MYO3A: variants seen among roughly 807,000 people sequenced by gnomAD.
MYO3A encodes myosin-IIIa.
A neutral mutation model predicts 192.7 loss-of-function variants in MYO3A; 180 were observed. The ratio of observed to expected loss-of-function variants is 0.93; its 90% CI spans 0.83 to 1.06. The LOEUF (loss-of-function observed/expected upper bound fraction) is 1.06. MYO3A is among the 50% of genes least tolerant of loss of function. The probability of loss-of-function intolerance (pLI) is 0.00; values close to 1 mark genes in which losing one functional copy is unlikely to be tolerated. For synonymous variants in MYO3A, 628 were observed against 645.3 expected, an observed-to-expected ratio of 0.97 and a Z score of 0.41; for missense variants, 1,896 against 1,905.0, an observed-to-expected ratio of 1.00 and a Z score of 0.09.
At chr10:26,193,396 C>CCTTCCTTTGTGCCTGA in intron 32 of MYO3A, 85 bp downstream of exon 32, 1 of 1,141,058 alleles carries the variant, frequency 8.8e-7, no homozygotes, top group Non-Finnish European at 1.3e-6. Context: ...TTAGTTCAGG[C>CCTTCCTTTGTGCCTGA]ACAAAGGAAG....
chr10:26,044,327 C>G (rs1482492792), intron 10 of MYO3A, among the ~76,000 whole-genome samples: 2 of 152,216 alleles, frequency 1.3e-5, no homozygotes, highest in African/African-American at 4.8e-5. Flanking sequence ...TGGCTCTGAG[C>G]CCAGTTCAGC....
intron 10 of MYO3A, among the ~76,000 whole-genome samples, chr10:26,065,382 G>A (rs547987584): frequency 9.2e-5 from 14 of 151,980 alleles, no homozygotes; most frequent in African/African-American, 3.1e-4. Context: ...TCAGAAGTTC[G>A]AGACCAGCCT....
At chr10:26,111,905 T>A (rs1446876045) in intron 17 of MYO3A, among the ~76,000 whole-genome samples, 1 of 152,196 alleles carries the variant, frequency 6.6e-6, no homozygotes, top group Non-Finnish European at 1.5e-5. Flanking sequence ...ATAGCTCTTT[T>A]CCCTGCCTTT....
In MYO3A at chr10:26,063,531, G is replaced by A. The variant is rs1317239243; in HGVS notation, c.954-3444G>A. On this transcript the variant is annotated intron_variant, in intron 10 of 34. Coordinates refer to ENST00000642920, the MANE Select transcript of MYO3A (RefSeq NM_017433.5). ...TTTTTTTGCATGTGAATGTCCAATTGTTCCAGCACCATATGTTGAAAAGAT... is the reference window on the plus strand; with the variant it reads ...TTTTTTTGCATGTGAATGTCCAATTATTCCAGCACCATATGTTGAAAAGAT... 2.0e-5 allele frequency among the ~76,000 whole-genome samples: 3 copies of A among 152,114 alleles called. 1 individual carries two copies. In the South Asian group the frequency reaches 6.2e-4, roughly 32 times the overall value.
chr10:26,150,816 G>A (rs949876224), intron 23 of MYO3A, among the ~76,000 whole-genome samples: 4 of 151,128 alleles, frequency 2.6e-5, no homozygotes, highest in East Asian at 1.9e-4. Context: ...TTTCTTTCTC[G>A]TTTATCTTTG....
intron 34 of MYO3A, among the ~76,000 whole-genome samples, chr10:26,208,721 A>G (rs1047723009): frequency 3.9e-5 from 6 of 152,134 alleles, no homozygotes; most frequent in African/African-American, 1.4e-4. Flanking sequence ...GCCCTGAAAG[A>G]CCTTGCCAAA....
At chr10:25,987,433 AG>A (rs1282015016) in intron 4 of MYO3A, among the ~76,000 whole-genome samples, 3 of 152,252 alleles carry the variant, frequency 2.0e-5, no homozygotes, top group African/African-American at 7.2e-5. Context: ...CAATCCACAG[AG>A]TGAGAGAACA....
chr10:26,130,224 C>T (rs1839453295), intron 20 of MYO3A, among the ~76,000 whole-genome samples: 1 of 152,036 alleles, frequency 6.6e-6, no homozygotes, highest in Admixed American at 6.5e-5. Flanking sequence ...TCTGCCTCAG[C>T]CTCCCAAGTA....
chr10:26,061,614 C>T (rs1267737739), intron 10 of MYO3A, among the ~76,000 whole-genome samples: 1 of 152,040 alleles, frequency 6.6e-6, no homozygotes, highest in Non-Finnish European at 1.5e-5. Flanking sequence ...GAAATCCATG[C>T]CAAGAAAGTT....
At chr10:26,198,081 T>A (rs1843503146) in intron 32 of MYO3A, among the ~76,000 whole-genome samples, 1 of 152,248 alleles carries the variant, frequency 6.6e-6, no homozygotes, top group Non-Finnish European at 1.5e-5. Context: ...GAAAATTATT[T>A]CCTTTACATT....
At chr10:25,960,423 C>G (rs1045789422) in intron 4 of MYO3A, among the ~76,000 whole-genome samples, 1 of 152,004 alleles carries the variant, frequency 6.6e-6, no homozygotes, top group Admixed American at 6.6e-5. Flanking sequence ...TGACAATCTC[C>G]CATGCACTGA....
At chr10:26,098,045 T>C (rs551354056) in intron 17 of MYO3A, among the ~76,000 whole-genome samples, 20 of 152,300 alleles carry the variant, frequency 1.3e-4, no homozygotes, top group African/African-American at 4.1e-4. Flanking sequence ...AGTGTAAAAG[T>C]GTTCCTATTT....
At chr10:26,057,242 A>C (rs558468917) in intron 10 of MYO3A, among the ~76,000 whole-genome samples, 10 of 152,338 alleles carry the variant, frequency 6.6e-5, no homozygotes, top group Admixed American at 3.3e-4. Flanking sequence ...AAATGCAGCA[A>C]ATTGAGGAAA....
intron 33 of MYO3A, chr10:26,202,659 AACTGAAACACTGCAATCACTGGCTATTCT>A (rs1843727767): frequency 2.8e-6 from 1 of 359,248 alleles, no homozygotes; most frequent in African/African-American, 2.1e-5. Flanking sequence ...GGACTGGCCA[AACTGAAACACTGCAATCACTGGCTATTCT>A]AGTAACCACT....
chr10:26,031,668 A>G (rs1564476446), intron 10 of MYO3A, among the ~76,000 whole-genome samples: 1 of 152,144 alleles, frequency 6.6e-6, no homozygotes, highest in Admixed American at 6.5e-5. Flanking sequence ...TTTTTATTCT[A>G]TTTCATTTTA....
rs971740129 is a variant in MYO3A at position 26,068,804 on chromosome 10, A to G, written c.1090A>G (p.Arg364Gly). 2.5e-6 allele frequency: 4 copies of G among 1,595,682 alleles called. No homozygotes were observed. The highest frequency in any genetic ancestry group is 3.3e-5 in the Admixed American group (2 of 59,968). The change falls in exon 12 of 35, where the codon AGA becomes GGA. Residue 364 changes from arginine to glycine, a missense_variant. By Grantham distance (125) the Arg-to-Gly change is moderately radical. Coordinates refer to ENST00000642920, the MANE Select transcript of MYO3A (RefSeq NM_017433.5). The part of the protein sequence containing the change: ...VSEQLEKCYS[R>G]DQIYVYVGDI... ...AGAGCAACTTGAGAAGTGTTATTCC[A>G]GAGATCAGATCTACGTCTATGTGGG...
At chr10:26,210,783 G>T (rs540676994) in intron 34 of MYO3A, among the ~76,000 whole-genome samples, 1 of 151,782 alleles carries the variant, frequency 6.6e-6, no homozygotes, top group Non-Finnish European at 1.5e-5. Flanking sequence ...AGCCACAGTG[G>T]TCTCCTTGCT....
chr10:25,979,890 T>C (rs1012749359), intron 4 of MYO3A, among the ~76,000 whole-genome samples: 3 of 152,040 alleles, frequency 2.0e-5, no homozygotes, highest in Admixed American at 6.6e-5. Context: ...TTTTCAAACA[T>C]TGTGAAGTGT....
In MYO3A at chr10:26,193,076, CG is replaced by C; in HGVS notation, c.4439-128del. Reference sequence around the variant, plus strand: ...GGATAAGGGTTGGTTATGCAGCAAACGTATTTCCTTTTTCTCCAGCCTTAGC... The same window carrying C: ...GGATAAGGGTTGGTTATGCAGCAAACTATTTCCTTTTTCTCCAGCCTTAGC... On this transcript the variant is annotated intron_variant, in intron 31 of 34. Coordinates refer to ENST00000642920, the MANE Select transcript of MYO3A (RefSeq NM_017433.5). The C allele has an allele frequency of 1.0e-5, 8 of 775,440 alleles. 1 individual carries two copies. In the South Asian group the frequency reaches 1.2e-4, roughly 12 times the overall value. 48.0% of individuals were successfully genotyped at this position (775,440 alleles called of 1,614,324 possible).
Sources: allele counts gnomAD v4.1 joint callset (sites outside exome capture counted in the v4.1 genomes callset), GRCh38; gene constraint gnomAD v4.1.1; transcripts MANE v1.5; gene names NCBI Gene and HGNC (gene_info 2026-07-23, HGNC 2026-07-21).